CSMD3: variants seen among roughly 807,000 people sequenced by gnomAD.
CSMD3 encodes the protein CUB and Sushi multiple domains 3.
A neutral mutation model predicts 435.2 loss-of-function variants in CSMD3; 177 were observed. That is an observed-to-expected ratio of 0.41 (90% confidence interval 0.36 to 0.46). The LOEUF (loss-of-function observed/expected upper bound fraction) is 0.46. Among genes scored for constraint, CSMD3 ranks in the 20% least tolerant of loss-of-function variants. The probability of loss-of-function intolerance (pLI) is 0.34; values close to 1 mark genes in which losing one functional copy is unlikely to be tolerated. For synonymous variants in CSMD3, 1,656 were observed against 1,520.5 expected (o/e 1.09, Z -2.07); for missense variants, 4,265 against 4,504.6 (o/e 0.95, Z 1.52).
chr8:112,855,809 C>CTTTT (rs34885472), intron 11 of CSMD3, among the ~76,000 whole-genome samples: 174 of 135,484 alleles, frequency 1.3e-3, no homozygotes, highest in Non-Finnish European at 2.0e-3. Context: ...CTTAGCGAAG[C>CTTTT]TTTTTTTTTT....
Position 113,354,607 on chromosome 8 carries a change from T to C in CSMD3, c.179-39814A>G, listed in dbSNP as rs1050376046. 2.6e-5 allele frequency among the ~76,000 whole-genome samples: 4 copies of C among 152,234 alleles called. No individual in the cohort carries two copies. In the South Asian group the frequency reaches 6.2e-4, roughly 24 times the overall value. On this transcript the variant is annotated intron_variant, in intron 1 of 70. Coordinates refer to ENST00000297405, the MANE Select transcript of CSMD3 (RefSeq NM_198123.2). The stretch of plus-strand genomic sequence containing the variant: ...TCAAATGGGGATCCCCAAAGTAACA[T>C]AACATAGAAATTTGTTATTGTTGTT...
chr8:112,264,545 TC>T (rs1816753483), intron 60 of CSMD3, among the ~76,000 whole-genome samples: 1 of 152,044 alleles, frequency 6.6e-6, no homozygotes, highest in South Asian at 2.1e-4. Context: ...CTAATTCATA[TC>T]AGTATGAATT....
At chr8:112,360,407 A>G (rs1827074124) in intron 38 of CSMD3, among the ~76,000 whole-genome samples, 1 of 152,002 alleles carries the variant, frequency 6.6e-6, no homozygotes, top group Non-Finnish European at 1.5e-5. Context: ...TAATATACAT[A>G]AACAAAATAA....
intron 36 of CSMD3, among the ~76,000 whole-genome samples, chr8:112,385,219 C>G (rs1481732169): frequency 6.6e-6 from 1 of 152,140 alleles, no homozygotes; most frequent in African/African-American, 2.4e-5. Flanking sequence ...TCCTCATGGG[C>G]ATATCATTCA....
chr8:113,041,217 A>AAG (rs1564244286), intron 5 of CSMD3, among the ~76,000 whole-genome samples: 5 of 21,490 alleles, frequency 2.3e-4, no homozygotes, highest in Non-Finnish European at 3.8e-4. Flanking sequence ...AAAAAAAAAA[A>AAG]GGGGGGGGTG....
chr8:112,959,414 T>C (rs1280717030), intron 7 of CSMD3, among the ~76,000 whole-genome samples: 1 of 151,978 alleles, frequency 6.6e-6, no homozygotes, highest in Non-Finnish European at 1.5e-5. Context: ...ATAAAGTATC[T>C]TGGAAGTGTC....
chr8:112,441,142 T>G (rs1814965772), intron 32 of CSMD3, among the ~76,000 whole-genome samples: 1 of 152,090 alleles, frequency 6.6e-6, no homozygotes, highest in East Asian at 1.9e-4. Context: ...TTCCACCAGA[T>G]ACCATATATC....
intron 7 of CSMD3, among the ~76,000 whole-genome samples, chr8:112,972,888 G>A (rs2084709039): frequency 6.6e-6 from 1 of 151,880 alleles, no homozygotes; most frequent in South Asian, 2.1e-4. Flanking sequence ...GCAATGGCAA[G>A]TTATAAGAGG....
chr8:112,312,405 C>T (rs1025612458), intron 49 of CSMD3, among the ~76,000 whole-genome samples: 1 of 151,994 alleles, frequency 6.6e-6, no homozygotes, highest in Non-Finnish European at 1.5e-5. Flanking sequence ...CAGGTGCCCA[C>T]CACCATGCCC....
chr8:112,577,310 GGT>G (rs1373149366), intron 23 of CSMD3, among the ~76,000 whole-genome samples: 2 of 151,964 alleles, frequency 1.3e-5, no homozygotes, highest in African/African-American at 2.4e-5. Context: ...CTTTTAAAGT[GGT>G]CATGAATACA....
intron 24 of CSMD3, among the ~76,000 whole-genome samples, chr8:112,565,694 G>A (rs1259301987): frequency 6.6e-6 from 1 of 152,050 alleles, no homozygotes; most frequent in Non-Finnish European, 1.5e-5. Flanking sequence ...CTGACTAATG[G>A]CTGGGCAACA....
chr8:112,892,326 T>C (rs1259174046), intron 10 of CSMD3, among the ~76,000 whole-genome samples: 3 of 151,528 alleles, frequency 2.0e-5, no homozygotes, highest in African/African-American at 7.3e-5. Context: ...GAAAGATGAA[T>C]TAAAAGCCTT....
chr8:112,291,159 C>T (rs1164425767), intron 56 of CSMD3, among the ~76,000 whole-genome samples: 3 of 151,888 alleles, frequency 2.0e-5, no homozygotes, highest in South Asian at 4.1e-4. Flanking sequence ...ATGTTTAAGA[C>T]TAATTTTGCC....
chr8:113,337,078 G>T (rs116792177), intron 1 of CSMD3, among the ~76,000 whole-genome samples: 2 of 152,046 alleles, frequency 1.3e-5, no homozygotes, highest in African/African-American at 2.4e-5. Flanking sequence ...GGTACAGAAG[G>T]CAGGCTGTTA....
chr8:112,999,482 A>G (rs978983536), intron 6 of CSMD3, among the ~76,000 whole-genome samples: 10 of 151,880 alleles, frequency 6.6e-5, no homozygotes, highest in African/African-American at 2.4e-4. Flanking sequence ...TTAGTAAACC[A>G]TGTAAGTAAA....
At chr8:112,340,997 A>T (rs1231605157) in intron 42 of CSMD3, among the ~76,000 whole-genome samples, 2 of 152,136 alleles carry the variant, frequency 1.3e-5, no homozygotes, top group African/African-American at 4.8e-5. Flanking sequence ...GATAGGTCTA[A>T]TATAACATGA....
At chr8:113,146,084 A>G (rs1360369612) in intron 4 of CSMD3, among the ~76,000 whole-genome samples, 1 of 151,566 alleles carries the variant, frequency 6.6e-6, no homozygotes, top group Non-Finnish European at 1.5e-5. Context: ...ATGTAAATAT[A>G]TAATGTAAAT....
intron 59 of CSMD3, 105 bp from the exon 60 acceptor site, chr8:112,265,695 T>A: frequency 1.2e-6 from 1 of 829,930 alleles, no homozygotes; most frequent in Non-Finnish European, 2.1e-6. Flanking sequence ...GAAAATTAGT[T>A]ATCGTGTTCA....
intron 41 of CSMD3, among the ~76,000 whole-genome samples, chr8:112,345,544 G>A (rs1825585246): frequency 6.6e-6 from 1 of 152,026 alleles, no homozygotes; most frequent in South Asian, 2.1e-4. Context: ...ACTGAACTCA[G>A]GAGTAGAAAG....
Sources: gnomAD v4.1 joint callset for allele counts (sites outside exome capture counted in the v4.1 genomes callset) on GRCh38, gnomAD v4.1.1 for gene constraint, MANE v1.5 for transcripts, NCBI Gene and HGNC (gene_info 2026-07-23, HGNC 2026-07-21) for gene names.